Variants in FYB2 observed in about 807,000 individuals in gnomAD.
FYB2 encodes FYN-binding protein 2.
FYB2 carries 103 observed loss-of-function variants against 94.1 expected under a neutral mutation model. The observed-to-expected ratio is 1.09, with a 90% CI of 0.93 to 1.29. The LOEUF (loss-of-function observed/expected upper bound fraction) is 1.29. FYB2 is among the 50% of genes most tolerant of loss of function. The pLI, the probability that FYB2 is intolerant of heterozygous loss-of-function variation, is 0.00. For synonymous variants in FYB2, 293 were observed against 287.9 expected, an observed-to-expected ratio of 1.02 and a Z score of -0.18; for missense variants, 896 against 841.5, an observed-to-expected ratio of 1.06 and a Z score of -0.80.
At chr1:56,782,104 T>C (rs976587653) in intron 4 of FYB2, among the ~76,000 whole-genome samples, 2 of 152,204 alleles carry the variant, frequency 1.3e-5, no homozygotes, top group Admixed American at 6.5e-5. Flanking sequence ...CAATTTTCTT[T>C]ATGTTAAGAA....
intron 1 of FYB2, among the ~76,000 whole-genome samples, chr1:56,807,133 C>G (rs905714052): frequency 6.6e-6 from 1 of 152,200 alleles, no homozygotes; most frequent in Admixed American, 6.5e-5. Flanking sequence ...GGGTTTCCTG[C>G]TCTCCCTGCT....
intron 19 of FYB2, 33 bp downstream of exon 19, chr1:56,719,989 T>C (rs774517636): frequency 6.4e-7 from 1 of 1,551,770 alleles, no homozygotes; most frequent in Non-Finnish European, 8.8e-7. Context: ...TATTAGGAAC[T>C]CATGATTTAA....
chr1:56,735,843 C>G (rs982531712), intron 15 of FYB2, among the ~76,000 whole-genome samples: 2 of 152,086 alleles, frequency 1.3e-5, no homozygotes, highest in Non-Finnish European at 2.9e-5. Context: ...TTATTAATTA[C>G]CTAGTCTCAG....
chr1:56,743,572 T>C (rs190089736), intron 11 of FYB2, among the ~76,000 whole-genome samples: 13 of 152,092 alleles, frequency 8.5e-5, no homozygotes, highest in Non-Finnish European at 1.5e-4. Flanking sequence ...TGGCAAATTA[T>C]ACAAGCTAAA....
intron 4 of FYB2, 51 bp from the exon 5 acceptor site, chr1:56,767,989 G>T (rs895092508): frequency 7.2e-7 from 1 of 1,394,866 alleles, no homozygotes; most frequent in Non-Finnish European, 1.0e-6. Context: ...AACATATTTT[G>T]AAAGCTTTTT....
upstream of FYB2, among the ~76,000 whole-genome samples, chr1:56,823,381 A>G (rs1433190014): frequency 6.6e-6 from 1 of 152,210 alleles, no homozygotes; most frequent in Non-Finnish European, 1.5e-5. Context: ...CTAGGAAGGG[A>G]TGGATAATCA....
At position 56,775,777 on chromosome 1, in the gene FYB2, T is replaced by C. The variant is rs189363731; in HGVS notation, c.954-7839A>G. The stretch of plus-strand genomic sequence containing the variant: ...TCATCAAAGAAAGAGGTCATCAGAG[T>C]ATACAGCAAGGAGGATTCCAAAGGA... On this transcript the variant is annotated intron_variant, in intron 4 of 19. Transcript: ENST00000343433. Among the ~76,000 whole-genome samples, 6 of 152,146 alleles carry C rather than the reference T, an allele frequency of 3.9e-5. No homozygotes were observed. In the East Asian group the frequency reaches 5.8e-4, roughly 15 times the overall value.
At chr1:56,741,889 T>C (rs936224909) in intron 12 of FYB2, among the ~76,000 whole-genome samples, 13 of 152,218 alleles carry the variant, frequency 8.5e-5, no homozygotes, top group African/African-American at 2.9e-4. Flanking sequence ...TCATTTACTC[T>C]GGGAAATGGG....
intron 17 of FYB2, chr1:56,720,634 G>A (rs746378944): frequency 7.8e-5 from 16 of 205,132 alleles, no homozygotes; most frequent in Non-Finnish European, 1.4e-4. Flanking sequence ...TTAGGTATGG[G>A]GTACATGTGC....
At chr1:56,780,773 A>G (rs895358506) in intron 4 of FYB2, among the ~76,000 whole-genome samples, 5 of 152,170 alleles carry the variant, frequency 3.3e-5, no homozygotes, top group Non-Finnish European at 7.4e-5. Flanking sequence ...AAACTCAGTA[A>G]ATTCACTGCT....
At chr1:56,760,647 A>G (rs890941150) in intron 5 of FYB2, among the ~76,000 whole-genome samples, 6 of 152,182 alleles carry the variant, frequency 3.9e-5, no homozygotes, top group African/African-American at 4.8e-5. Context: ...TCAAAAACAA[A>G]TCATGAGCTC....
chr1:56,764,659 T>C (rs1031974495), intron 5 of FYB2, among the ~76,000 whole-genome samples: 1 of 152,216 alleles, frequency 6.6e-6, no homozygotes, highest in Non-Finnish European at 1.5e-5. Flanking sequence ...GAAAATTTTA[T>C]AAAAGCTGCT....
intron 9 of FYB2, among the ~76,000 whole-genome samples, chr1:56,746,925 T>G (rs188936931): frequency 6.6e-5 from 10 of 152,124 alleles, no homozygotes; most frequent in African/African-American, 2.4e-4. Context: ...AATGAGAGCT[T>G]TAGTTGCTCC....
rs115520924 is a variant in FYB2, at chr1:56,773,922, A to T, written c.954-5984T>A. Reference sequence around the variant, plus strand: ...GATTTCTCAATTGTCCAAAGTCCCAAACTGGACAAATTTCTATTTCCAGTA... The same window carrying T: ...GATTTCTCAATTGTCCAAAGTCCCATACTGGACAAATTTCTATTTCCAGTA... On this transcript the variant is annotated intron_variant, in intron 4 of 19. Transcript: ENST00000343433. Among the ~76,000 whole-genome samples the T allele has an allele frequency of 2.1e-3, 326 of 152,238 alleles. 1 individual carries two copies. The highest frequency in any genetic ancestry group is 7.6e-3 in the African/African-American group (317 of 41,554).
At position 56,720,326 on chromosome 1, in the gene FYB2, C is replaced by A. The variant is rs748963038; in HGVS notation, c.1978G>T (p.Asp660Tyr). 6.3e-7 allele frequency: 1 copy of A among 1,592,970 alleles called. No individual in the cohort carries two copies. The highest frequency in any genetic ancestry group is 1.2e-5 in the South Asian group (1 of 86,330). Reference protein sequence around the residue: ...EKLFRERFKYDKEIIVINTAV... With the variant: ...EKLFRERFKYYKEIIVINTAV... ...GTATTGATGACAATAATCTCTTTGT[C>A]GTACTGAAATGAGAAATTACTAATC... The change falls in exon 18 of 20, where the codon GAC (aspartate) becomes TAC (tyrosine). Residue 660 changes from aspartate (D) to tyrosine (Y), a missense_variant. Asp to Tyr is a radical substitution (Grantham distance 160). Coordinates refer to ENST00000343433, the MANE Select transcript of FYB2 (RefSeq NM_001004303.5).
chr1:56,731,533 T>C (rs1438930227), intron 15 of FYB2, among the ~76,000 whole-genome samples: 1 of 151,852 alleles, frequency 6.6e-6, no homozygotes, highest in Non-Finnish European at 1.5e-5. Context: ...GAAAGGGAAG[T>C]ATCAGGCTGG....
At chr1:56,819,487 C>A (rs550221520), upstream of FYB2, 13 of 698,996 alleles carry the variant, frequency 1.9e-5, 1 homozygote, top group Middle Eastern at 2.0e-3. Context: ...CAGGGCCGGC[C>A]GCCATCCTCC....
chr1:56,740,729 T>C lies in FYB2; in HGVS notation c.1671A>G (p.Lys557=), dbSNP rs758169536. 9 of 1,607,454 alleles carry C rather than the reference T, an allele frequency of 5.6e-6. No homozygotes were observed. Among genetic ancestry groups the C allele is most frequent in the Admixed American group, 1.7e-5 (1 of 59,336 alleles). ...QFFKKEKDRF[K]IKKTKSKENL... is the part of the protein sequence containing the mutation. ...TTTCTTTCGACTTGGTTTTCTTTAT[T>C]TTAAATCTATCCTTTTCTTTCTTGA... The change falls in exon 13 of 20, where the codon AAA becomes AAG. Residue 557 remains lysine (K), a synonymous_variant. Transcript: ENST00000343433.
chr1:56,723,758 C>A, intron 16 of FYB2, 77 bp from the exon 17 acceptor site: 3 of 768,584 alleles, frequency 3.9e-6, no homozygotes, highest in Non-Finnish European at 6.3e-6. Context: ...GAAGTCACTT[C>A]ATTTCAGGAT....
Sources: gnomAD v4.1 joint callset for allele counts (sites outside exome capture counted in the v4.1 genomes callset) on GRCh38, gnomAD v4.1.1 for gene constraint, MANE v1.5 for transcripts, NCBI Gene and HGNC (gene_info 2026-07-23, HGNC 2026-07-21) for gene names.